The following BCORL1 variants were observed in gnomAD, a reference collection of about 807,000 sequenced individuals.
The protein encoded by BCORL1 is BCL6 corepressor like 1.
A neutral mutation model predicts 87.6 loss-of-function variants in BCORL1; 7 were observed. The ratio of observed to expected loss-of-function variants is 0.08; its 90% CI spans 0.05 to 0.15. The LOEUF (loss-of-function observed/expected upper bound fraction) is 0.15, where lower values mean the gene tolerates loss of function less well. Ranked by LOEUF, BCORL1 falls within the 10% of genes least tolerant of loss-of-function variation. The probability of loss-of-function intolerance (pLI) is 1.00; values close to 1 mark genes in which losing one functional copy is unlikely to be tolerated. For synonymous variants in BCORL1, 591 were observed against 634.4 expected (o/e 0.93, Z 1.03); for missense variants, 1,215 against 1,499.7 (o/e 0.81, Z 3.13).
intron 2 of BCORL1, among the ~76,000 whole-genome samples, chrX:130,009,730 A>C (rs1291817235): frequency 9.0e-6 from 1 of 110,745 alleles, no homozygotes; most frequent in Non-Finnish European, 1.9e-5. Context: ...TTTAAGTTCC[A>C]CAAAGCCTTG....
intron 11 of BCORL1, among the ~76,000 whole-genome samples, chrX:130,044,931 T>A (rs895600048): frequency 8.9e-6 from 1 of 112,676 alleles, no homozygotes; most frequent in African/African-American, 3.2e-5. Context: ...TTATATTGGG[T>A]TGACTTAAGG....
intron 12 of BCORL1, among the ~76,000 whole-genome samples, chrX:130,051,238 C>T (rs1395687358): frequency 1.8e-5 from 2 of 112,738 alleles, no homozygotes; most frequent in Non-Finnish European, 3.8e-5. Flanking sequence ...GAGCCCTTAG[C>T]CTTCTGGCCG....
At position 129,989,808 on chromosome X, in the gene BCORL1, CAG is replaced by C. The variant is rs1431249342; in HGVS notation, c.-45+7049_-45+7050del. ...TGTTTCTTTTTTTTTTGTTTTTAGA[CAG>C]AGTCTTGCTCTGTCACCCAGGCTGA... On this transcript the variant is annotated intron_variant, in intron 1 of 13. Transcript: ENST00000540052. 2.8e-4 allele frequency among the ~76,000 whole-genome samples: 29 copies of C among 104,881 alleles called. 1 individual carries two copies. The highest frequency in any genetic ancestry group is 1.0e-3 in the African/African-American group (29 of 28,305). The allele number at this position is 104,881 out of a possible 115,157, so 91.1% of individuals were successfully genotyped here.
intron 1 of BCORL1, among the ~76,000 whole-genome samples, chrX:130,004,493 C>T (rs1928323886): frequency 1.8e-5 from 2 of 111,359 alleles, no homozygotes; most frequent in African/African-American, 6.5e-5. Flanking sequence ...GATCCACCCG[C>T]CTCGGCCTCC....
intron 4 of BCORL1, among the ~76,000 whole-genome samples, chrX:130,017,216 C>T (rs1416338959): frequency 1.8e-5 from 2 of 110,873 alleles, no homozygotes; most frequent in African/African-American, 6.6e-5. Flanking sequence ...TCTGCCCCAT[C>T]GCCCAAAGCT....
At position 130,056,210 on chromosome X, in the gene BCORL1, C is replaced by G; in HGVS notation, c.*74C>G. 16 of 1,023,076 alleles carry G rather than the reference C, an allele frequency of 1.6e-5. No homozygotes were observed. Among genetic ancestry groups the G allele is most frequent in the East Asian group, 3.4e-5 (1 of 29,697 alleles). The allele number at this position is 1,023,076 out of a possible 1,213,427, so 84.3% of individuals were successfully genotyped here. ...CCCCACCTCCTTGTCTTTCCCCGAC[C>G]GAGCACCAGACTGCAGAATGAGGCA... On this transcript the variant is annotated 3_prime_UTR_variant, in exon 14 of 14. Coordinates refer to ENST00000540052, the MANE Select transcript of BCORL1 (RefSeq NM_001379451.1).
intron 8 of BCORL1, among the ~76,000 whole-genome samples, chrX:130,031,093 C>G (rs1328532494): frequency 1.8e-5 from 2 of 113,192 alleles, no homozygotes; most frequent in Admixed American, 1.8e-4. Flanking sequence ...GCTCCTCCCC[C>G]TCCCAGGCAA....
intron 7 of BCORL1, 75 bp downstream of exon 7, chrX:130,025,454 G>C (rs1751941193): frequency 1.0e-6 from 1 of 990,258 alleles, no homozygotes; most frequent in Admixed American, 3.2e-5. Context: ...CTCTACGCCA[G>C]CCAAAGGCTT....
chrX:129,989,444 C>CT (rs55654985), intron 1 of BCORL1, among the ~76,000 whole-genome samples: 255 of 17,772 alleles, frequency 0.014, 101 homozygotes, highest in Non-Finnish European at 0.016. Context: ...CCGCACCCGT[C>CT]TTTTTTTTTT....
intron 1 of BCORL1, among the ~76,000 whole-genome samples, chrX:130,004,810 T>C (rs1415249011): frequency 1.8e-5 from 2 of 112,324 alleles, no homozygotes; most frequent in African/African-American, 6.5e-5. Flanking sequence ...TCACCAGTAG[T>C]GTTTTAGTGC....
At position 130,025,273 on chromosome X, in the gene BCORL1, G is replaced by C. The variant is rs1930170759; in HGVS notation, c.3972G>C (p.Glu1324Asp). 1.7e-6 allele frequency: 2 copies of C among 1,208,156 alleles called. No individual in the cohort carries two copies. The highest frequency in any genetic ancestry group is 2.2e-6 in the Non-Finnish European group (2 of 893,677). Reference sequence around the variant, plus strand: ...AGGAGGAGGAGGAAGAAGAGGAGGAGGGCCTGCTGAAGAGGAAGAAACGAA... The same window carrying C: ...AGGAGGAGGAGGAAGAAGAGGAGGACGGCCTGCTGAAGAGGAAGAAACGAA... Reference protein sequence around the residue: ...TNEEEEEEEEEGLLKRKKRRR... With the variant: ...TNEEEEEEEEDGLLKRKKRRR... Residue 1324 changes from glutamate (E) to aspartate (D), a missense_variant, in exon 7 of 14, where the codon GAG becomes GAC. Transcript: ENST00000540052.
intron 11 of BCORL1, among the ~76,000 whole-genome samples, chrX:130,044,539 C>T (rs1416087140): frequency 5.5e-5 from 6 of 109,183 alleles, no homozygotes; most frequent in African/African-American, 1.3e-4. Context: ...GATGGAGTCT[C>T]GATCTTGTCG....
chrX:129,990,268 T>G (rs1052219370), intron 1 of BCORL1, among the ~76,000 whole-genome samples: 2 of 109,309 alleles, frequency 1.8e-5, no homozygotes, highest in Non-Finnish European at 3.8e-5. Context: ...GTCTCGCTCT[T>G]TTGCCCAGGC....
rs746899411 is a variant in BCORL1, at chrX:129,994,491, C to T, written c.-44-10697C>T. 3.5e-3 allele frequency among the ~76,000 whole-genome samples: 388 copies of T among 111,559 alleles called. 5 individuals are homozygous for T. Among genetic ancestry groups the T allele is most frequent in the Non-Finnish European group, 4.1e-3 (216 of 53,132 alleles). On this transcript the variant is annotated intron_variant, in intron 1 of 13. Transcript: ENST00000540052. ...AGGGAGATTGCAAGCCCTGGCCGCT[C>T]GGCTGAGATGACTGTCCAGCCTCCT... is the stretch of plus-strand genomic sequence containing the variant.
At chrX:129,996,208 C>T (rs5977187) in intron 1 of BCORL1, among the ~76,000 whole-genome samples, 12,312 of 110,891 alleles carry the variant, frequency 0.11, 1,701 homozygotes, top group African/African-American at 0.38. Context: ...GTTGGTTTTC[C>T]TTACTTATTA....
rs750224392 is a variant in BCORL1 at position 129,992,381 on chromosome X, G to T, written c.-45+9619G>T. 1.4e-4 allele frequency among the ~76,000 whole-genome samples: 16 copies of T among 111,971 alleles called. No homozygotes were observed. In the Middle Eastern group the frequency reaches 0.023, roughly 160 times the overall value. On this transcript the variant is annotated intron_variant, in intron 1 of 13. Transcript: ENST00000540052. ...GTGGGAGGGCCACTTGAGCCCGGGA[G>T]TGCCGCTACAGTGAGCTGTGATTGT...
upstream of BCORL1, among the ~76,000 whole-genome samples, chrX:129,980,913 A>G (rs1218945148): frequency 1.0e-5 from 1 of 98,031 alleles, no homozygotes; most frequent in African/African-American, 3.9e-5. Flanking sequence ...GAGGGGAGGG[A>G]GAGCCGGGGG....
At chrX:130,033,759 G>A (rs1264668229) in intron 8 of BCORL1, among the ~76,000 whole-genome samples, 1 of 111,690 alleles carries the variant, frequency 9.0e-6, no homozygotes. Flanking sequence ...GAGGCAGGCG[G>A]ATCACTTGAG....
intron 11 of BCORL1, among the ~76,000 whole-genome samples, chrX:130,043,973 G>A (rs1931572778): frequency 1.9e-5 from 2 of 103,854 alleles, no homozygotes; most frequent in South Asian, 4.4e-4. Flanking sequence ...GGGTTTCACC[G>A]TGTTAGCCAG....
Sources: gnomAD v4.1 joint callset for allele counts (sites outside exome capture counted in the v4.1 genomes callset) on GRCh38, gnomAD v4.1.1 for gene constraint, MANE v1.5 for transcripts, NCBI Gene and HGNC (gene_info 2026-07-23, HGNC 2026-07-21) for gene names.